The following PIK3C2G variants were observed in gnomAD, a reference collection of about 807,000 sequenced individuals.
The protein encoded by PIK3C2G is phosphatidylinositol 3-kinase C2 domain-containing subunit gamma.
A neutral mutation model predicts 181.1 loss-of-function variants in PIK3C2G; 168 were observed. The observed-to-expected ratio is 0.93, with a 90% CI of 0.82 to 1.05. The LOEUF is 1.05. Among genes scored for constraint, PIK3C2G ranks in the 50% least tolerant of loss-of-function variants. PIK3C2G has a pLI of 0.00. For missense variants in PIK3C2G, 1,869 were observed against 1,732.8 expected, an observed-to-expected ratio of 1.08 and a Z score of -1.40; for synonymous variants, 573 against 592.2, an observed-to-expected ratio of 0.97 and a Z score of 0.47.
chr12:18,432,637 T>A (rs1436186037), intron 18 of PIK3C2G, among the ~76,000 whole-genome samples: 1 of 152,202 alleles, frequency 6.6e-6, no homozygotes, highest in African/African-American at 2.4e-5. Flanking sequence ...CAAAAAGGCA[T>A]TCTGTTTAGA....
intron 13 of PIK3C2G, among the ~76,000 whole-genome samples, chr12:18,374,884 C>T (rs1311526040): frequency 2.0e-5 from 3 of 152,138 alleles, no homozygotes; most frequent in Non-Finnish European, 4.4e-5. Context: ...CCTCCTTTGC[C>T]TTCTGCCATG....
At chr12:18,321,553 A>C (rs540551082) in intron 7 of PIK3C2G, among the ~76,000 whole-genome samples, 1 of 152,328 alleles carries the variant, frequency 6.6e-6, no homozygotes, top group Non-Finnish European at 1.5e-5. Context: ...GCGTAGCTAA[A>C]CTGGGAGTTT....
At chr12:18,355,667 G>A (rs12311885) in intron 11 of PIK3C2G, among the ~76,000 whole-genome samples, 1,604 of 152,246 alleles carry the variant, frequency 0.011, 19 homozygotes, top group African/African-American at 0.037. Context: ...TGCATGCTAC[G>A]GACATGCCCA....
upstream of PIK3C2G, among the ~76,000 whole-genome samples, chr12:18,258,106 G>C (rs1948166354): frequency 6.6e-6 from 1 of 152,060 alleles, no homozygotes; most frequent in Non-Finnish European, 1.5e-5. Context: ...CCACAGAAGA[G>C]CATATATTAT....
At chr12:18,672,154 G>C in the PIK3C2G span, among the ~76,000 whole-genome samples, 1 of 152,160 alleles carries the variant, frequency 6.6e-6, no homozygotes, top group African/African-American at 2.4e-5. Context: ...AGTGGATCAT[G>C]TTTTATGGCT....
At chr12:18,377,131 T>C (rs1016910202) in intron 13 of PIK3C2G, among the ~76,000 whole-genome samples, 3 of 152,166 alleles carry the variant, frequency 2.0e-5, no homozygotes, top group African/African-American at 7.2e-5. Flanking sequence ...CCTTTGGTCC[T>C]GCCAGCTACA....
chr12:18,310,009 G>T (rs1950574453), intron 5 of PIK3C2G, among the ~76,000 whole-genome samples: 1 of 151,798 alleles, frequency 6.6e-6, no homozygotes, highest in African/African-American at 2.4e-5. Flanking sequence ...GATGAAGTAT[G>T]AGTGAAGAAA....
intron 13 of PIK3C2G, among the ~76,000 whole-genome samples, chr12:18,373,834 C>T (rs1942244754): frequency 1.3e-5 from 2 of 151,000 alleles, no homozygotes; most frequent in South Asian, 4.2e-4. Context: ...GCCTGGGCGA[C>T]AGAGCGAGAC....
At chr12:18,523,425 G>A (rs1943039699) in intron 24 of PIK3C2G, among the ~76,000 whole-genome samples, 1 of 152,160 alleles carries the variant, frequency 6.6e-6, no homozygotes, top group Non-Finnish European at 1.5e-5. Flanking sequence ...TAGAATTCTG[G>A]TTGGGCCAGC....
chr12:18,483,414 G>A (rs911177099), intron 18 of PIK3C2G, among the ~76,000 whole-genome samples: 3 of 152,172 alleles, frequency 2.0e-5, no homozygotes, highest in African/African-American at 4.8e-5. Context: ...GAGTCAAGAA[G>A]TATGTTAGTA....
At chr12:18,321,945 G>A (rs1394022775) in intron 7 of PIK3C2G, among the ~76,000 whole-genome samples, 2 of 152,186 alleles carry the variant, frequency 1.3e-5, no homozygotes, top group African/African-American at 4.8e-5. Context: ...ATCAGAGTTG[G>A]GGAGGGAGAG....
At chr12:18,503,661 C>T (rs1327072414) in intron 23 of PIK3C2G, among the ~76,000 whole-genome samples, 1 of 152,022 alleles carries the variant, frequency 6.6e-6, no homozygotes, top group Admixed American at 6.5e-5. Flanking sequence ...GCTCAGCTGC[C>T]ATCCTGACAT....
At chr12:18,275,443 A>G (rs1948943488) in intron 1 of PIK3C2G, among the ~76,000 whole-genome samples, 1 of 152,080 alleles carries the variant, frequency 6.6e-6, no homozygotes, top group Non-Finnish European at 1.5e-5. Flanking sequence ...GTGCAGTGAC[A>G]TGATCTCGAC....
intron 31 of PIK3C2G, among the ~76,000 whole-genome samples, chr12:18,635,708 C>A (rs1949568418): frequency 6.6e-6 from 1 of 152,138 alleles, no homozygotes. Flanking sequence ...ATCATGTAAC[C>A]CATGTGGCAA....
At chr12:18,673,411 T>C in the PIK3C2G span, among the ~76,000 whole-genome samples, 1 of 152,050 alleles carries the variant, frequency 6.6e-6, no homozygotes, top group African/African-American at 2.4e-5. Context: ...AACAGAGCCA[T>C]TTCACCAAGA....
At chr12:18,436,422 C>A (rs1006984849) in intron 18 of PIK3C2G, among the ~76,000 whole-genome samples, 1 of 152,084 alleles carries the variant, frequency 6.6e-6, no homozygotes, top group African/African-American at 2.4e-5. Context: ...AACTGGTCAT[C>A]TTCCTCTAAG....
At chr12:18,576,293 C>T (rs981534175) in intron 29 of PIK3C2G, among the ~76,000 whole-genome samples, 4 of 152,174 alleles carry the variant, frequency 2.6e-5, no homozygotes, top group Non-Finnish European at 5.9e-5. Context: ...ACTGCCAGCT[C>T]TGGGGTAGGC....
At chr12:18,544,338 G>A (rs751626664) in intron 25 of PIK3C2G, among the ~76,000 whole-genome samples, 1 of 151,816 alleles carries the variant, frequency 6.6e-6, no homozygotes, top group Non-Finnish European at 1.5e-5. Flanking sequence ...CTAGACACTT[G>A]ACAAACTAGA....
At chr12:18,699,233 T>C in the PIK3C2G span, among the ~76,000 whole-genome samples, 3 of 152,186 alleles carry the variant, frequency 2.0e-5, no homozygotes, top group Non-Finnish European at 2.9e-5. Context: ...TCCTTCACCA[T>C]AGGCATAGAG....
Sources: allele counts gnomAD v4.1 joint callset (sites outside exome capture counted in the v4.1 genomes callset), GRCh38; gene constraint gnomAD v4.1.1; transcripts MANE v1.5; gene names NCBI Gene and HGNC (gene_info 2026-07-23, HGNC 2026-07-21).